Variants in L3MBTL4 observed in about 807,000 individuals in gnomAD.
The protein encoded by L3MBTL4 is lethal(3)malignant brain tumor-like protein 4.
A neutral mutation model predicts 84.5 loss-of-function variants in L3MBTL4; 70 were observed. That is an observed-to-expected ratio of 0.83 (90% CI 0.68 to 1.01). The LOEUF is 1.01. Among genes scored for constraint, L3MBTL4 ranks in the 50% least tolerant of loss-of-function variants. The pLI, the probability that L3MBTL4 is intolerant of heterozygous loss-of-function variation, is 0.00. For synonymous variants in L3MBTL4, 274 were observed against 259.8 expected (o/e 1.05, Z -0.52); for missense variants, 715 against 754.8 (o/e 0.95, Z 0.62).
At chr18:6,088,218 T>G (rs1176170516) in intron 15 of L3MBTL4, among the ~76,000 whole-genome samples, 1 of 152,154 alleles carries the variant, frequency 6.6e-6, no homozygotes, top group Non-Finnish European at 1.5e-5. Flanking sequence ...AGGATAGGAC[T>G]GGCCTTAGCA....
At chr18:6,113,275 A>G (rs2059250982) in intron 14 of L3MBTL4, among the ~76,000 whole-genome samples, 1 of 152,204 alleles carries the variant, frequency 6.6e-6, no homozygotes, top group South Asian at 2.1e-4. Context: ...TCTGATTAGT[A>G]TTAAAGACTA....
chr18:6,332,616 T>G (rs1400884524), intron 1 of L3MBTL4, among the ~76,000 whole-genome samples: 1 of 152,188 alleles, frequency 6.6e-6, no homozygotes, highest in Admixed American at 6.5e-5. Flanking sequence ...GACTGTTAGA[T>G]TCATAGAATG....
chr18:5,971,640 C>A (rs1434601128), intron 16 of L3MBTL4, among the ~76,000 whole-genome samples: 1 of 152,312 alleles, frequency 6.6e-6, no homozygotes, highest in Middle Eastern at 3.4e-3. Context: ...GAAAAAAAGA[C>A]ACACAAAAAC....
intron 18 of L3MBTL4, among the ~76,000 whole-genome samples, chr18:5,958,116 AAGAAGAAGAAGAAAAAG>A (rs1160987244): frequency 8.6e-5 from 5 of 58,236 alleles, no homozygotes; most frequent in South Asian, 4.9e-4. Context: ...GAAGAAGAAG[AAGAAGAAGAAGAAAAAG>A]AAGAAGAAGA....
intron 14 of L3MBTL4, among the ~76,000 whole-genome samples, chr18:6,119,680 T>C (rs1367619165): frequency 6.6e-6 from 1 of 152,194 alleles, no homozygotes; most frequent in Non-Finnish European, 1.5e-5. Flanking sequence ...TAGAAGACCA[T>C]GGCTCTCTCA....
At chr18:6,293,262 T>C (rs7226866) in intron 4 of L3MBTL4, among the ~76,000 whole-genome samples, 28,710 of 152,038 alleles carry the variant, frequency 0.19, 2,848 homozygotes, top group African/African-American at 0.24. Flanking sequence ...CACCTAGCCC[T>C]GGCCACATAA....
intron 12 of L3MBTL4, among the ~76,000 whole-genome samples, chr18:6,182,378 C>A (rs934220007): frequency 6.6e-6 from 1 of 152,092 alleles, no homozygotes; most frequent in Admixed American, 6.6e-5. Context: ...TGTTTAAAAT[C>A]ATTTGCCCAC....
intron 1 of L3MBTL4, chr18:6,395,914 C>T (rs199503841): frequency 3.3e-5 from 5 of 152,058 alleles, no homozygotes; most frequent in Non-Finnish European, 7.4e-5. Context: ...AGACGTCAAC[C>T]GAAGCACTTC....
Position 6,250,001 on chromosome 18 carries a change from C to T in L3MBTL4, c.220-5413G>A, listed in dbSNP as rs889399116. Among the ~76,000 whole-genome samples the T allele has an allele frequency of 2.6e-5, 4 of 152,156 alleles. 1 individual carries two copies. The highest frequency in any genetic ancestry group is 7.2e-5 in the African/African-American group (3 of 41,444). On this transcript the variant is annotated intron_variant, in intron 5 of 18. Transcript: ENST00000317931. ...GTTCCACATAAAGGGACAGAAGTGGCAACTAAACAGGCAAAACGAAACCTG... is the reference window on the plus strand; with the variant it reads ...GTTCCACATAAAGGGACAGAAGTGGTAACTAAACAGGCAAAACGAAACCTG...
chr18:6,060,624 C>T (rs1431628684), intron 16 of L3MBTL4, among the ~76,000 whole-genome samples: 1 of 151,912 alleles, frequency 6.6e-6, no homozygotes, highest in African/African-American at 2.4e-5. Flanking sequence ...TACATTAGGG[C>T]TTTATATTGT....
At chr18:6,089,828 G>A (rs1292312194) in intron 15 of L3MBTL4, among the ~76,000 whole-genome samples, 1 of 152,182 alleles carries the variant, frequency 6.6e-6, no homozygotes, top group African/African-American at 2.4e-5. Flanking sequence ...CAATATGATT[G>A]CTAATGTACT....
intron 1 of L3MBTL4, among the ~76,000 whole-genome samples, chr18:6,372,740 T>A (rs985230207): frequency 1.3e-5 from 2 of 152,206 alleles, no homozygotes; most frequent in Admixed American, 1.3e-4. Flanking sequence ...AATGGACAGA[T>A]ATGTAATTGC....
intron 10 of L3MBTL4, among the ~76,000 whole-genome samples, chr18:6,234,911 C>T (rs1316058562): frequency 6.6e-6 from 1 of 152,104 alleles, no homozygotes; most frequent in African/African-American, 2.4e-5. Context: ...AGACTTGGAA[C>T]CAGCCCAAAT....
intron 5 of L3MBTL4, among the ~76,000 whole-genome samples, chr18:6,255,564 A>G (rs1286828294): frequency 6.6e-6 from 1 of 152,208 alleles, no homozygotes; most frequent in Non-Finnish European, 1.5e-5. Flanking sequence ...GCAATTAATC[A>G]TCTTAAATGA....
At chr18:6,271,562 C>G (rs895648414) in intron 4 of L3MBTL4, among the ~76,000 whole-genome samples, 24 of 152,096 alleles carry the variant, frequency 1.6e-4, no homozygotes, top group African/African-American at 5.8e-4. Context: ...TTTTCCGAGA[C>G]GTTAAACTTT....
intron 1 of L3MBTL4, among the ~76,000 whole-genome samples, chr18:6,351,098 A>C (rs1401017684): frequency 6.6e-6 from 1 of 152,146 alleles, no homozygotes; most frequent in Non-Finnish European, 1.5e-5. Context: ...CAAGAGGCTG[A>C]GGCAGAAGAA....
chr18:6,176,011 T>C (rs1331685932), intron 12 of L3MBTL4, among the ~76,000 whole-genome samples: 1 of 151,762 alleles, frequency 6.6e-6, no homozygotes, highest in Non-Finnish European at 1.5e-5. Context: ...AATAAGAAAA[T>C]GTGAAAGCTA....
chr18:6,103,741 T>G (rs1417719175), intron 14 of L3MBTL4, among the ~76,000 whole-genome samples: 3 of 152,236 alleles, frequency 2.0e-5, no homozygotes, highest in Non-Finnish European at 4.4e-5. Context: ...CTAACCTGTG[T>G]GTTAAACATT....
intron 10 of L3MBTL4, among the ~76,000 whole-genome samples, chr18:6,226,165 C>T (rs73385925): frequency 3.9e-5 from 6 of 151,926 alleles, no homozygotes; most frequent in East Asian, 3.8e-4. Context: ...CCAACACTTT[C>T]GGAGGCAGAG....
Sources: allele counts gnomAD v4.1 joint callset (sites outside exome capture counted in the v4.1 genomes callset), GRCh38; gene constraint gnomAD v4.1.1; transcripts MANE v1.5; gene names NCBI Gene and HGNC (gene_info 2026-07-23, HGNC 2026-07-21).